Variants in TBXT observed in about 807,000 individuals in gnomAD.
TBXT encodes T brachyury transcription factor.
A neutral mutation model predicts 41.1 loss-of-function variants in TBXT; 19 were observed. The ratio of observed to expected loss-of-function variants is 0.46; its 90% confidence interval spans 0.32 to 0.68. TBXT has a LOEUF of 0.68. Ranked by LOEUF, TBXT falls within the 30% of genes least tolerant of loss-of-function variation. TBXT has a pLI of 0.03. For synonymous variants in TBXT, 213 were observed against 238.9 expected (o/e 0.89, Z 1.00); for missense variants, 536 against 582.0 (o/e 0.92, Z 0.81).
At chr6:166,166,537 C>A in intron 2 of TBXT, 55 bp downstream of exon 2, 3 of 1,611,510 alleles carry the variant, frequency 1.9e-6, no homozygotes, top group Non-Finnish European at 2.5e-6. Flanking sequence ...GTGCAGAAGG[C>A]GCAGCGCGGC....
rs1022713167 is a variant in TBXT at position 166,167,597 on chromosome 6, C to T, written c.-6G>A. Reference sequence around the variant, plus strand: ...TCGGTGCCAGGGGAGCTCATCCTCCCGTCCGGCTCCCCTCCCCGCCGTCCC... The same window carrying T: ...TCGGTGCCAGGGGAGCTCATCCTCCTGTCCGGCTCCCCTCCCCGCCGTCCC... On this transcript the variant is annotated 5_prime_UTR_variant, in exon 1 of 8. Coordinates refer to ENST00000366876, the MANE Select transcript of TBXT (RefSeq NM_001366285.2). 2.6e-6 allele frequency: 4 copies of T among 1,548,804 alleles called. No homozygotes were observed. Among genetic ancestry groups the T allele is most frequent in the Non-Finnish European group, 2.6e-6 (3 of 1,152,698 alleles).
chr6:166,164,826 TG>T lies in TBXT; in HGVS notation c.641del (p.Ala214GlufsTer16). On this transcript the variant is annotated frameshift_variant, in exon 4 of 8. Coordinates refer to ENST00000366876, the MANE Select transcript of TBXT (RefSeq NM_001366285.2). LOFTEE classifies it high-confidence loss of function. ...TALKIKYNPF[A>X]KAFLDAKERS... ...TTTCCTTTGCATCAAGGAAAGCTTT[TG>T]CAAATGGATTGTACTTAATTTTAAG... 1 of 1,613,330 alleles carries T rather than the reference TG, an allele frequency of 6.2e-7. No individual in the cohort carries two copies. Among genetic ancestry groups the T allele is most frequent in the Non-Finnish European group, 8.5e-7 (1 of 1,179,986 alleles).
At chr6:166,161,524 C>T (rs1164370039) in intron 6 of TBXT, among the ~76,000 whole-genome samples, 1 of 152,198 alleles carries the variant, frequency 6.6e-6, no homozygotes, top group Non-Finnish European at 1.5e-5. Flanking sequence ...AAAATTAAGT[C>T]TAGACATATA....
Position 166,162,450 on chromosome 6 carries a change from G to A in TBXT, c.904C>T (p.Pro302Ser). The change falls in exon 6 of 8, where the codon CCA (proline) becomes TCA (serine). Residue 302 changes from proline (P) to serine (S), a missense_variant. Coordinates refer to ENST00000366876, the MANE Select transcript of TBXT (RefSeq NM_001366285.2). ...PSPYAHRNNS[P>S]TYSDNSPACL... ...CAGAATGAGGCTGAGGACTCACTTGGAGAATTGTTCCGATGAGCATAGGGG... is the reference window on the plus strand; with the variant it reads ...CAGAATGAGGCTGAGGACTCACTTGAAGAATTGTTCCGATGAGCATAGGGG... 1 of 1,614,174 alleles carries A rather than the reference G, an allele frequency of 6.2e-7. No individual in the cohort carries two copies. The highest frequency in any genetic ancestry group is 8.5e-7 in the Non-Finnish European group (1 of 1,180,036).
intron 1 of TBXT, 58 bp from the exon 2 acceptor site, chr6:166,166,914 C>T: frequency 6.2e-7 from 1 of 1,610,162 alleles, no homozygotes. Context: ...AGGCCGGAGG[C>T]AGAAGCTGGG....
chr6:166,167,717 C>CTCCCGGG lies in TBXT; in HGVS notation c.-133_-127dup, dbSNP rs1182539350. The CTCCCGGG allele has an allele frequency of 2.0e-5, 26 of 1,298,766 alleles. No homozygotes were observed. The highest frequency in any genetic ancestry group is 1.5e-4 in the African/African-American group (10 of 67,260). The allele number at this position is 1,298,766 out of a possible 1,614,324, so 80.5% of individuals were successfully genotyped here. ...CCCCTTGGACCGAGACCTGCGACGG[C>CTCCCGGG]TCCCGGGTCCCGGGTCCCGGCACAG... is the stretch of plus-strand genomic sequence containing the variant. On this transcript the variant is annotated 5_prime_UTR_variant, in exon 1 of 8. Coordinates refer to ENST00000366876, the MANE Select transcript of TBXT (RefSeq NM_001366285.2).
At chr6:166,167,892 G>C, upstream of TBXT, 2 of 496,344 alleles carry the variant, frequency 4.0e-6, no homozygotes, top group Non-Finnish European at 7.4e-6. Context: ...ATAGAGCCGC[G>C]GCGGCAGCGC....
At chr6:166,165,011 G>A in intron 3 of TBXT, 150 bp from the exon 4 acceptor site, 1 of 706,536 alleles carries the variant, frequency 1.4e-6, no homozygotes, top group Admixed American at 2.7e-5. Flanking sequence ...ATTTGGAACT[G>A]AAAATAGCTG....
At chr6:166,165,307 G>C (rs1042241171) in intron 3 of TBXT, among the ~76,000 whole-genome samples, 1 of 151,808 alleles carries the variant, frequency 6.6e-6, no homozygotes, top group African/African-American at 2.4e-5. Flanking sequence ...ATCTAGTTGA[G>C]TCTTCACACT....
chr6:166,167,604 C>A lies in TBXT; in HGVS notation c.-13G>T. On this transcript the variant is annotated 5_prime_UTR_variant, in exon 1 of 8. Transcript: ENST00000366876. Reference sequence around the variant, plus strand: ...CAGGGGAGCTCATCCTCCCGTCCGGCTCCCCTCCCCGCCGTCCCCGAAGCC... The same window carrying A: ...CAGGGGAGCTCATCCTCCCGTCCGGATCCCCTCCCCGCCGTCCCCGAAGCC... The A allele has an allele frequency of 6.5e-7, 1 of 1,544,842 alleles. No individual in the cohort carries two copies.
intron 5 of TBXT, among the ~76,000 whole-genome samples, chr6:166,163,279 C>G (rs9365966): frequency 0.18 from 27,108 of 151,882 alleles, 3,321 homozygotes; most frequent in East Asian, 0.5. Flanking sequence ...GACCCTTTTA[C>G]TGCTCACTCT....
In TBXT at chr6:166,167,656, C is replaced by A. The variant is rs1175414928; in HGVS notation, c.-65G>T. 6.5e-7 allele frequency: 1 copy of A among 1,533,576 alleles called. No homozygotes were observed. The highest frequency in any genetic ancestry group is 1.2e-5 in the South Asian group (1 of 83,986). 95.0% of individuals were successfully genotyped at this position (1,533,576 alleles called of 1,614,324 possible). ...AGACTCGCTACCTGAGATCCACCTT[C>A]CCTGCTCTTGGCCGCCGCCCTTCCG... On this transcript the variant is annotated 5_prime_UTR_variant, in exon 1 of 8. Coordinates refer to ENST00000366876, the MANE Select transcript of TBXT (RefSeq NM_001366285.2).
chr6:166,161,773 A>C (rs1238412377), intron 6 of TBXT, among the ~76,000 whole-genome samples: 4 of 152,232 alleles, frequency 2.6e-5, no homozygotes, highest in Non-Finnish European at 5.9e-5. Flanking sequence ...ATACAAAAAA[A>C]TTAGCCAGGC....
At position 166,160,888 on chromosome 6, in the gene TBXT, TG is replaced by T. The variant is rs746662856; in HGVS notation, c.985del (p.His329IlefsTer7). ...DNWSSLGMPAHPSMLPVSHNA... is the reference protein window; with the variant it reads ...DNWSSLGMPAXPSMLPVSHNA... ...GTGGCTCACGGGGAGCATGCTGGGATGGGCAGGCATTCCAAGGCTGGACCAA... is the reference window on the plus strand; with the variant it reads ...GTGGCTCACGGGGAGCATGCTGGGATGGCAGGCATTCCAAGGCTGGACCAA... On this transcript the variant is annotated frameshift_variant, in exon 7 of 8. Coordinates refer to ENST00000366876, the MANE Select transcript of TBXT (RefSeq NM_001366285.2). LOFTEE classifies it high-confidence loss of function. The T allele has an allele frequency of 1.9e-6, 3 of 1,614,068 alleles. No homozygotes were observed. The highest frequency in any genetic ancestry group is 8.5e-7 in the Non-Finnish European group (1 of 1,180,016).
intron 5 of TBXT, among the ~76,000 whole-genome samples, chr6:166,163,898 G>C (rs373347507): frequency 6.6e-6 from 1 of 152,208 alleles, no homozygotes; most frequent in Admixed American, 6.5e-5. Flanking sequence ...ATCAGCCTAG[G>C]AAATGATGAA....
At position 166,158,253 on chromosome 6, in the gene TBXT, A is replaced by G; in HGVS notation, c.*62T>C. 6.2e-7 allele frequency: 1 copy of G among 1,613,514 alleles called. No individual in the cohort carries two copies. The highest frequency in any genetic ancestry group is 8.5e-7 in the Non-Finnish European group (1 of 1,179,504). ...CACTGGGTACCTAGTAGGTCAATCC[A>G]GTCACCACTGGCTGCCACGACAAAA... On this transcript the variant is annotated 3_prime_UTR_variant, in exon 8 of 8. Transcript: ENST00000366876.
chr6:166,158,476 A>G lies in TBXT; in HGVS notation c.1150T>C (p.Tyr384His), dbSNP rs770321070. 1.2e-6 allele frequency: 2 copies of G among 1,613,730 alleles called. No homozygotes were observed. The highest frequency in any genetic ancestry group is 8.5e-7 in the Non-Finnish European group (1 of 1,179,816). Residue 384 changes from tyrosine (Y) to histidine (H), a missense_variant, in exon 8 of 8, where the codon TAC becomes CAC. Coordinates refer to ENST00000366876, the MANE Select transcript of TBXT (RefSeq NM_001366285.2). The part of the protein sequence containing the change: ...AQFFRGSPAH[Y>H]TPLTHPVSAP... Reference sequence around the variant, plus strand: ...GAGACCGGATGGGTGAGGGGTGTGTAGTGCGCGGGGGAGCCCCGGAAGAAC... The same window carrying G: ...GAGACCGGATGGGTGAGGGGTGTGTGGTGCGCGGGGGAGCCCCGGAAGAAC...
chr6:166,159,092 A>G (rs1778875817), intron 7 of TBXT, among the ~76,000 whole-genome samples: 1 of 152,218 alleles, frequency 6.6e-6, no homozygotes, highest in Admixed American at 6.5e-5. Context: ...GAATCGCTTG[A>G]ACCCGGGAGG....
chr6:166,164,994 G>A, intron 3 of TBXT, 133 bp from the exon 4 acceptor site: 1 of 775,934 alleles, frequency 1.3e-6, no homozygotes, highest in Non-Finnish European at 2.1e-6. Flanking sequence ...TCCACATACA[G>A]TTTTCTATTT....
Sources: gnomAD v4.1 joint callset for allele counts (sites outside exome capture counted in the v4.1 genomes callset) on GRCh38, gnomAD v4.1.1 for gene constraint, MANE v1.5 for transcripts, NCBI Gene and HGNC (gene_info 2026-07-23, HGNC 2026-07-21) for gene names.